The following KNG1 variants were observed in gnomAD, a reference collection of about 807,000 sequenced individuals.
KNG1 encodes the protein kininogen-1.
Under a neutral mutation model 47.8 loss-of-function variants are expected in KNG1, and 23 were observed. That is an observed-to-expected ratio of 0.48 (90% confidence interval 0.35 to 0.68). The LOEUF (loss-of-function observed/expected upper bound fraction) is 0.68. Ranked by LOEUF, KNG1 falls within the 30% of genes least tolerant of loss-of-function variation. The pLI, the probability that KNG1 is intolerant of heterozygous loss-of-function variation, is 0.01. For missense variants in KNG1, 762 were observed against 790.2 expected (o/e 0.96, Z 0.43); for synonymous variants, 277 against 277.0 (o/e 1.00, Z 0.00).
rs11057 is a variant in KNG1 at position 186,743,686 on chromosome 3, C to T, written c.*1355C>T. 4.6e-4 allele frequency: 728 copies of T among 1,585,992 alleles called. 2 individuals are homozygous for T. The highest frequency in any genetic ancestry group is 5.9e-4 in the Non-Finnish European group (676 of 1,154,540). On this transcript the variant is annotated 3_prime_UTR_variant, in exon 10 of 10. Transcript: ENST00000644859. ...TTGAATGATAACATCATATTAACTG[C>T]GTTTTACTATACTTACAGAGTCACC...
rs988981287 is a variant in KNG1, at chr3:186,722,449, T to C, written c.319T>C (p.Cys107Arg). 4 of 1,613,394 alleles carry C rather than the reference T, an allele frequency of 2.5e-6. No individual in the cohort carries two copies. In the African/African-American group the frequency reaches 5.3e-5, roughly 22 times the overall value. Residue 107 changes from cysteine (C) to arginine (R), a missense_variant, in exon 3 of 10, where the codon TGC becomes CGC. By Grantham distance (180) the Cys-to-Arg change is radical. Coordinates refer to ENST00000644859, the MANE Select transcript of KNG1 (RefSeq NM_001102416.3). ...KDAAKAATGE[C>R]TATVGKRSST... ...CTTTTCTTTTTAGGCCACTGGAGAATGCACGGCAACCGTGGGGAAGAGGAG... is the reference window on the plus strand; with the variant it reads ...CTTTTCTTTTTAGGCCACTGGAGAACGCACGGCAACCGTGGGGAAGAGGAG...
chr3:186,728,175 T>C (rs1365268119), intron 5 of KNG1, among the ~76,000 whole-genome samples: 1 of 152,208 alleles, frequency 6.6e-6, no homozygotes, highest in Non-Finnish European at 1.5e-5. Context: ...ATTAAAATGG[T>C]ATATCTCAAG....
intron 5 of KNG1, among the ~76,000 whole-genome samples, chr3:186,730,811 G>C (rs557216239): frequency 6.9e-6 from 1 of 145,128 alleles, no homozygotes; most frequent in African/African-American, 2.6e-5. Context: ...ACTTATGAAA[G>C]TATCATTTAA....
At chr3:186,732,781 A>C (rs1403936406) in intron 7 of KNG1, 107 bp downstream of exon 7, 3 of 894,142 alleles carry the variant, frequency 3.4e-6, no homozygotes, top group Middle Eastern at 2.5e-4. Context: ...TACATTTGAT[A>C]ATGTGATTTG....
In KNG1 at chr3:186,722,972, T is replaced by C. The variant is rs569562515; in HGVS notation, c.391+451T>C. On this transcript the variant is annotated intron_variant, in intron 3 of 9. Coordinates refer to ENST00000644859, the MANE Select transcript of KNG1 (RefSeq NM_001102416.3). ...GTTGTGAGGCTGAAATGAGATGATA[T>C]GCCTGGAGGTACAATCATAATAACA... 5.3e-5 allele frequency among the ~76,000 whole-genome samples: 8 copies of C among 152,086 alleles called. No homozygotes were observed. The South Asian group carries it at 1.5e-3, about 28-fold the overall frequency.
chr3:186,720,497 G>T (rs1720159362), intron 2 of KNG1: 1 of 354,264 alleles, frequency 2.8e-6, no homozygotes, highest in Non-Finnish European at 5.3e-6. Flanking sequence ...ATAACAAATT[G>T]ACATTTGGGC....
Position 186,739,218 on chromosome 3 carries a change from T to C in KNG1, c.1038+12T>C. The C allele has an allele frequency of 6.3e-7, 1 of 1,598,590 alleles. No homozygotes were observed. Among genetic ancestry groups the C allele is most frequent in the Non-Finnish European group, 8.6e-7 (1 of 1,165,892 alleles). On this transcript the variant is annotated intron_variant, in intron 8 of 9. Transcript: ENST00000644859. ...CCAAAAAACTTGGCGTGAGTAGTCA[T>C]GCACCTGTCTACTTTTTCACTGGAA...
intron 1 of KNG1, 32 bp downstream of exon 1, chr3:186,717,769 T>C: frequency 1.3e-6 from 2 of 1,545,006 alleles, no homozygotes; most frequent in Non-Finnish European, 8.9e-7. Flanking sequence ...TTGAAGTCAC[T>C]TGGGATTTGT....
chr3:186,730,739 T>C (rs11929295), intron 5 of KNG1, among the ~76,000 whole-genome samples: 7 of 49,126 alleles, frequency 1.4e-4, no homozygotes, highest in African/African-American at 5.3e-4. Context: ...CATATATATA[T>C]ACACATATAT....
At chr3:186,722,351 T>A in intron 2 of KNG1, 86 bp from the exon 3 acceptor site, 1 of 1,126,762 alleles carries the variant, frequency 8.9e-7, no homozygotes, top group South Asian at 1.3e-5. Context: ...TTTTGCTTTT[T>A]AAGGAAAGCC....
chr3:186,723,396 C>T (rs1051174704), intron 3 of KNG1, among the ~76,000 whole-genome samples: 9 of 152,164 alleles, frequency 5.9e-5, no homozygotes, highest in African/African-American at 2.2e-4. Flanking sequence ...TACCTATTCA[C>T]CAACCTCTTC....
Position 186,739,333 on chromosome 3 carries a change from C to G in KNG1, c.1044C>G (p.Ser348Arg), listed in dbSNP as rs1325821307. Residue 348 changes from serine to arginine, a missense_variant, in exon 9 of 10, where the codon AGC becomes AGG. Transcript: ENST00000644859. ...ESCETKKLGQ[S>R]LDCNAEVYVV... ...ACTTCTGTTTTCATGGATAGCAAAG[C>G]CTAGATTGCAACGCTGAAGTTTATG... is the stretch of plus-strand genomic sequence containing the variant. The G allele has an allele frequency of 6.2e-7, 1 of 1,613,300 alleles. No homozygotes were observed. The highest frequency in any genetic ancestry group is 1.3e-5 in the African/African-American group (1 of 74,878).
intron 4 of KNG1, among the ~76,000 whole-genome samples, 184 bp downstream of exon 4, chr3:186,725,444 A>T (rs1290741363): frequency 6.6e-6 from 1 of 152,086 alleles, no homozygotes; most frequent in African/African-American, 2.4e-5. Flanking sequence ...ATGTCGAATC[A>T]GACCCCCTTC....
chr3:186,732,778 GATA>G (rs1396068467), intron 7 of KNG1, 104 bp downstream of exon 7: 10 of 902,638 alleles, frequency 1.1e-5, no homozygotes, highest in Non-Finnish European at 1.9e-5. Flanking sequence ...CCATACATTT[GATA>G]ATGTGATTTG....
In KNG1 at chr3:186,725,207, A is replaced by G; in HGVS notation, c.511A>G (p.Thr171Ala). The G allele has an allele frequency of 6.2e-7, 1 of 1,613,996 alleles. No homozygotes were observed. Among genetic ancestry groups the G allele is most frequent in the Non-Finnish European group, 8.5e-7 (1 of 1,180,004 alleles). The change falls in exon 4 of 10, where the codon ACT becomes GCT. Residue 171 changes from threonine to alanine, a missense_variant. Thr to Ala is a moderately conservative substitution (Grantham distance 58). Transcript: ENST00000644859. The part of the protein sequence containing the change: ...RHGIQYFNNN[T>A]QHSSLFMLNE... ...CGGCATTCAGTACTTTAACAACAAC[A>G]CTCAACATTCCTCCCTCTTCATGCT... is the stretch of plus-strand genomic sequence containing the variant.
chr3:186,729,833 C>T (rs528876273), intron 5 of KNG1, among the ~76,000 whole-genome samples: 353 of 152,154 alleles, frequency 2.3e-3, no homozygotes, highest in Middle Eastern at 3.4e-3. Context: ...CCACCACGGC[C>T]GGCTAGTTTT....
At position 186,717,464 on chromosome 3, in the gene KNG1, T is replaced by C. The variant is rs1316710702; in HGVS notation, c.-79T>C. The C allele has an allele frequency of 3.8e-6, 4 of 1,063,750 alleles. No homozygotes were observed. The highest frequency in any genetic ancestry group is 5.9e-6 in the Non-Finnish European group (4 of 681,946). 65.9% of individuals were successfully genotyped at this position (1,063,750 alleles called of 1,614,324 possible). A position where few individuals can be genotyped will look rare whatever the true frequency, so the allele number is the denominator to read the frequency against. ...GACAGAAGAAACAAGAGGCTGGAGATTGTCAAATTCAGTATCCCAGTTGGC... is the reference window on the plus strand; with the variant it reads ...GACAGAAGAAACAAGAGGCTGGAGACTGTCAAATTCAGTATCCCAGTTGGC... On this transcript the variant is annotated 5_prime_UTR_variant, in exon 1 of 10. Coordinates refer to ENST00000644859, the MANE Select transcript of KNG1 (RefSeq NM_001102416.3).
intron 7 of KNG1, chr3:186,736,494 A>G (rs1342939886): frequency 1.3e-5 from 2 of 152,104 alleles, no homozygotes; most frequent in African/African-American, 2.4e-5. Context: ...TTCCATTTTC[A>G]CACATTAGTG....
intron 7 of KNG1, chr3:186,734,645 A>G (rs1720623608): frequency 6.6e-6 from 1 of 152,050 alleles, no homozygotes; most frequent in Non-Finnish European, 1.5e-5. Context: ...AAGTAATGGC[A>G]AAATCACAAT....
Sources: allele counts gnomAD v4.1 joint callset (sites outside exome capture counted in the v4.1 genomes callset), GRCh38; gene constraint gnomAD v4.1.1; transcripts MANE v1.5; gene names NCBI Gene and HGNC (gene_info 2026-07-23, HGNC 2026-07-21).